Variants in CDH8 observed in about 807,000 individuals in gnomAD.
CDH8 encodes the protein cadherin-8.
Under a neutral mutation model 68.1 loss-of-function variants are expected in CDH8, and 17 were observed. That is an observed-to-expected ratio of 0.25 (90% CI 0.17 to 0.37). CDH8 has a LOEUF of 0.37. Among genes scored for constraint, CDH8 ranks in the 10% least tolerant of loss-of-function variants. The pLI is 1.00. For missense variants in CDH8, 763 were observed against 999.3 expected (o/e 0.76, Z 3.19); for synonymous variants, 372 against 365.1 (o/e 1.02, Z -0.21).
At position 61,784,314 on chromosome 16, in the gene CDH8, C is replaced by G. The variant is rs559476104; in HGVS notation, c.1414+5032G>C. Among the ~76,000 whole-genome samples the G allele has an allele frequency of 3.3e-5, 5 of 150,488 alleles. No individual in the cohort carries two copies. The South Asian group carries it at 1.1e-3, about 32-fold the overall frequency. Reference sequence around the variant, plus strand: ...AGTATCTGATAAAACAGACTTTAAACCAACAAAGATCAAAAGAGACAAAGA... The same window carrying G: ...AGTATCTGATAAAACAGACTTTAAAGCAACAAAGATCAAAAGAGACAAAGA... On this transcript the variant is annotated intron_variant, in intron 8 of 11. Coordinates refer to ENST00000577390, the MANE Select transcript of CDH8 (RefSeq NM_001796.5).
At chr16:61,779,607 T>C (rs1960994786) in intron 8 of CDH8, among the ~76,000 whole-genome samples, 1 of 152,162 alleles carries the variant, frequency 6.6e-6, no homozygotes, top group Non-Finnish European at 1.5e-5. Context: ...TAGGCAATTC[T>C]AATCAATGGT....
At chr16:61,911,623 ACC>A (rs5817326) in intron 2 of CDH8, among the ~76,000 whole-genome samples, 14 of 145,538 alleles carry the variant, frequency 9.6e-5, no homozygotes, top group Admixed American at 7.5e-4. Flanking sequence ...AATTCCCTAA[ACC>A]CCCCCCCACC....
chr16:61,856,488 G>A (rs1963050805), intron 4 of CDH8, among the ~76,000 whole-genome samples: 1 of 152,134 alleles, frequency 6.6e-6, no homozygotes, highest in Middle Eastern at 3.4e-3. Context: ...CTGTTTGTTA[G>A]ATAACTTACT....
chr16:61,857,423 A>G (rs572325338), intron 3 of CDH8, among the ~76,000 whole-genome samples, 185 bp from the exon 4 acceptor site: 22 of 152,308 alleles, frequency 1.4e-4, no homozygotes, highest in Admixed American at 1.2e-3. Flanking sequence ...TTTTAAAAGA[A>G]AGAGTCCTGG....
chr16:61,701,809 G>A (rs1964432745), intron 10 of CDH8, among the ~76,000 whole-genome samples: 1 of 152,124 alleles, frequency 6.6e-6, no homozygotes, highest in Admixed American at 6.5e-5. Flanking sequence ...GTCCACGAAA[G>A]GTTACTTTGG....
chr16:61,865,177 G>A (rs3784855), intron 3 of CDH8, among the ~76,000 whole-genome samples: 4,312 of 152,192 alleles, frequency 0.028, 104 homozygotes, highest in East Asian at 0.044. Context: ...GCAGTCAGGC[G>A]GATGGACAGC....
At chr16:62,001,066 A>T (rs916383910) in intron 2 of CDH8, among the ~76,000 whole-genome samples, 5 of 152,178 alleles carry the variant, frequency 3.3e-5, no homozygotes, top group Admixed American at 6.5e-5. Context: ...GAGGCTAGAA[A>T]ATATTTGGGA....
intron 1 of CDH8, among the ~76,000 whole-genome samples, chr16:62,028,271 C>A (rs183202869): frequency 3.2e-4 from 49 of 151,766 alleles, no homozygotes; most frequent in African/African-American, 1.0e-3. Flanking sequence ...TTTCACCATG[C>A]TGGCCAGGCT....
chr16:61,821,136 G>A (rs1204238236), intron 5 of CDH8, 23 bp from the exon 6 acceptor site: 2 of 1,575,708 alleles, frequency 1.3e-6, no homozygotes, highest in East Asian at 2.3e-5. Flanking sequence ...GAGAAACAAT[G>A]AGAGTCACAC....
rs115883062 is a variant in CDH8, at chr16:61,738,238, C to A, written c.1415-11023G>T. Among the ~76,000 whole-genome samples the A allele has an allele frequency of 9.2e-3, 1,393 of 152,154 alleles. 24 individuals carry two copies. Among genetic ancestry groups the A allele is most frequent in the African/African-American group, 0.032 (1,335 of 41,538 alleles). ...GACCCCTGTGTGTTTTCCCTGACTG[C>A]CAAAAAGCATGCTATCTTGCTACTC... On this transcript the variant is annotated intron_variant, in intron 8 of 11. Coordinates refer to ENST00000577390, the MANE Select transcript of CDH8 (RefSeq NM_001796.5).
rs906234546 is a variant in CDH8 at position 61,779,559 on chromosome 16, C to G, written c.1414+9787G>C. ...TAATTCAATAGGTCTCAAACGAAAT[C>G]TGGACTATTCCTTGTTTGTTTGTTT... On this transcript the variant is annotated intron_variant, in intron 8 of 11. Transcript: ENST00000577390. 2.6e-5 allele frequency among the ~76,000 whole-genome samples: 4 copies of G among 151,842 alleles called. No individual in the cohort carries two copies. The South Asian group carries it at 8.3e-4, about 32-fold the overall frequency.
intron 9 of CDH8, among the ~76,000 whole-genome samples, chr16:61,720,336 C>A (rs554831019): frequency 2.0e-5 from 3 of 151,036 alleles, no homozygotes; most frequent in Non-Finnish European, 4.5e-5. Flanking sequence ...ACCTGCTCAT[C>A]ATCATGGCTT....
intron 8 of CDH8, among the ~76,000 whole-genome samples, chr16:61,771,501 T>TCC (rs2142986221): frequency 6.6e-6 from 1 of 150,882 alleles, no homozygotes; most frequent in East Asian, 2.0e-4. Flanking sequence ...AAACTTTTTT[T>TCC]TAACCAATTT....
chr16:61,746,203 T>C (rs1326232763), intron 8 of CDH8, among the ~76,000 whole-genome samples: 1 of 152,108 alleles, frequency 6.6e-6, no homozygotes, highest in African/African-American at 2.4e-5. Context: ...CATTCTTCTC[T>C]AATTATCTTT....
At chr16:61,982,430 G>A (rs1307631154) in intron 2 of CDH8, among the ~76,000 whole-genome samples, 5 of 151,848 alleles carry the variant, frequency 3.3e-5, no homozygotes, top group Middle Eastern at 3.2e-3. Context: ...CGTGTTAGCC[G>A]GGATGGTCTC....
chr16:61,775,111 C>G (rs1960871200), intron 8 of CDH8, among the ~76,000 whole-genome samples: 1 of 152,102 alleles, frequency 6.6e-6, no homozygotes, highest in Non-Finnish European at 1.5e-5. Context: ...TGCCTATAAC[C>G]CCAGCATTTT....
In CDH8 at chr16:61,912,196, A is replaced by G. The variant is rs1340457112; in HGVS notation, c.253-10723T>C. 2.0e-5 allele frequency among the ~76,000 whole-genome samples: 3 copies of G among 152,108 alleles called. No homozygotes were observed. The East Asian group carries it at 5.8e-4, about 29-fold the overall frequency. On this transcript the variant is annotated intron_variant, in intron 2 of 11. Transcript: ENST00000577390. ...AGTATGGGGCAATCAAAATGCTATG[A>G]ACTTGGAAGAACATTACAATTGAGG...
chr16:61,730,513 G>A (rs146925882), intron 8 of CDH8, among the ~76,000 whole-genome samples: 1 of 151,356 alleles, frequency 6.6e-6, no homozygotes, highest in Admixed American at 6.6e-5. Context: ...TTTAGTTTGT[G>A]GTTTGTTAGT....
At chr16:61,774,559 A>T (rs1015318637) in intron 8 of CDH8, among the ~76,000 whole-genome samples, 4 of 151,958 alleles carry the variant, frequency 2.6e-5, no homozygotes, top group African/African-American at 9.7e-5. Flanking sequence ...GGGTATATTT[A>T]AAAAAAGATC....
Sources: allele counts gnomAD v4.1 joint callset (sites outside exome capture counted in the v4.1 genomes callset), GRCh38; gene constraint gnomAD v4.1.1; transcripts MANE v1.5; gene names NCBI Gene and HGNC (gene_info 2026-07-23, HGNC 2026-07-21).